OGFOD1: variants seen among roughly 807,000 people sequenced by gnomAD.
OGFOD1 encodes the protein 2-oxoglutarate and iron dependent oxygenase domain containing 1, also known as prolyl 3-hydroxylase OGFOD1.
In OGFOD1, 54 loss-of-function variants were observed where a neutral mutation model predicts 67.7. That is an observed-to-expected ratio of 0.80 (90% CI 0.64 to 1.00). The LOEUF is 1.00. Among genes scored for constraint, OGFOD1 ranks in the 50% least tolerant of loss-of-function variants. The pLI, the probability that OGFOD1 is intolerant of heterozygous loss-of-function variation, is 0.00. For missense variants in OGFOD1, 606 were observed against 646.7 expected, an observed-to-expected ratio of 0.94 and a Z score of 0.68; for synonymous variants, 221 against 227.0, an observed-to-expected ratio of 0.97 and a Z score of 0.24.
intron 4 of OGFOD1, among the ~76,000 whole-genome samples, chr16:56,464,021 A>G (rs1416887315): frequency 6.6e-6 from 1 of 152,248 alleles, no homozygotes; most frequent in African/African-American, 2.4e-5. Flanking sequence ...CCAGGATTGC[A>G]TGTTGCATTT....
Position 56,466,880 on chromosome 16 carries a change from C to CT in OGFOD1, c.573dup (p.Gln192SerfsTer20), listed in dbSNP as rs1962922505. ...ATGTGTTCTTTCCTGGTGCAGAACACTTTCAGCCGAAGCAGATTGTCAAGT... is the reference window on the plus strand; with the variant it reads ...ATGTGTTCTTTCCTGGTGCAGAACACTTTTCAGCCGAAGCAGATTGTCAAGT... On this transcript the variant is annotated frameshift_variant, in exon 6 of 13. Coordinates refer to ENST00000566157, the MANE Select transcript of OGFOD1 (RefSeq NM_018233.4). LOFTEE classifies it high-confidence loss of function. 6.2e-7 allele frequency: 1 copy of CT among 1,612,022 alleles called. No homozygotes were observed. The highest frequency in any genetic ancestry group is 8.5e-7 in the Non-Finnish European group (1 of 1,178,240).
chr16:56,471,646 C>T (rs1963191565), intron 10 of OGFOD1, among the ~76,000 whole-genome samples: 1 of 152,310 alleles, frequency 6.6e-6, no homozygotes, highest in African/African-American at 2.4e-5. Flanking sequence ...GTTAGGAGAG[C>T]AGAGACAAGG....
In OGFOD1 at chr16:56,467,272, G is replaced by C. The variant is rs764889729; in HGVS notation, c.765G>C (p.Arg255=). The part of the protein sequence containing the change: ...PPNYFEPPIP[R]SPHIPQDHEI... The stretch of plus-strand genomic sequence containing the variant: ...ACTACTTTGAACCCCCCATACCTCG[G>C]AGCCCTCACATCCCACAAGATGTAA... Residue 255 remains arginine, a synonymous_variant, in exon 7 of 13, where the codon CGG becomes CGC. Transcript: ENST00000566157. 3.1e-6 allele frequency: 5 copies of C among 1,614,020 alleles called. No individual in the cohort carries two copies. The highest frequency in any genetic ancestry group is 1.6e-4 in the Middle Eastern group (1 of 6,062).
intron 4 of OGFOD1, among the ~76,000 whole-genome samples, chr16:56,465,100 A>G (rs1962851728): frequency 6.6e-6 from 1 of 151,828 alleles, no homozygotes; most frequent in African/African-American, 2.4e-5. Context: ...CCTGGGTTCA[A>G]GCGATTCTCC....
Position 56,458,569 on chromosome 16 carries a change from A to AG in OGFOD1, c.323dup (p.Glu109ArgfsTer13). Reference sequence around the variant, plus strand: ...CAAGTCTGATGATTTGAAGAAGAGAAGAGAGCCTCACATCTCCACTTTAAG... The same window carrying AG: ...CAAGTCTGATGATTTGAAGAAGAGAAGGAGAGCCTCACATCTCCACTTTAAG... On this transcript the variant is annotated frameshift_variant, in exon 3 of 13. Coordinates refer to ENST00000566157, the MANE Select transcript of OGFOD1 (RefSeq NM_018233.4). LOFTEE classifies it high-confidence loss of function. The AG allele has an allele frequency of 6.2e-7, 1 of 1,613,786 alleles. No homozygotes were observed. The highest frequency in any genetic ancestry group is 8.5e-7 in the Non-Finnish European group (1 of 1,179,680).
Position 56,467,531 on chromosome 16 carries a change from A to G in OGFOD1, c.786+238A>G, listed in dbSNP as rs568508154. ...AACCTCCACCTCCTGGGTTCAAGCG[A>G]TTCTCCTGCCTCAACCTCCTGAGTA... On this transcript the variant is annotated intron_variant, in intron 7 of 12. Coordinates refer to ENST00000566157, the MANE Select transcript of OGFOD1 (RefSeq NM_018233.4). Among the ~76,000 whole-genome samples, 467 of 149,564 alleles carry G rather than the reference A, an allele frequency of 3.1e-3. 4 individuals are homozygous for G. The highest frequency in any genetic ancestry group is 0.011 in the African/African-American group (450 of 40,440).
At chr16:56,455,235 C>T (rs1298303104) in intron 2 of OGFOD1, among the ~76,000 whole-genome samples, 2 of 152,072 alleles carry the variant, frequency 1.3e-5, no homozygotes, top group African/African-American at 4.8e-5. Flanking sequence ...GGCGTGGTGG[C>T]ACGCCCCTAT....
chr16:56,454,035 G>A (rs949478525), intron 2 of OGFOD1, among the ~76,000 whole-genome samples: 6 of 152,178 alleles, frequency 3.9e-5, no homozygotes, highest in Non-Finnish European at 8.8e-5. Context: ...TGTACGTTGG[G>A]AGACAATTAC....
rs745397600 is a variant in OGFOD1 at position 56,451,572 on chromosome 16, C to T, written c.-41C>T. The T allele has an allele frequency of 2.5e-6, 4 of 1,607,040 alleles. No homozygotes were observed. The East Asian group carries it at 6.7e-5, about 27-fold the overall frequency. Reference sequence around the variant, plus strand: ...AGTTGCAGTACCCTCAGGAAGGTAGCGTCTTGATCTGCGTGGCGTGGTTCT... The same window carrying T: ...AGTTGCAGTACCCTCAGGAAGGTAGTGTCTTGATCTGCGTGGCGTGGTTCT... On this transcript the variant is annotated 5_prime_UTR_variant, in exon 1 of 13. Transcript: ENST00000566157.
chr16:56,475,461 C>G (rs1203241793), intron 11 of OGFOD1, 46 bp from the exon 12 acceptor site: 2 of 1,574,676 alleles, frequency 1.3e-6, no homozygotes, highest in Non-Finnish European at 1.7e-6. Flanking sequence ...TGGTGCGACT[C>G]TTTCAATAGG....
intron 2 of OGFOD1, chr16:56,453,827 A>G (rs1962420965): frequency 6.5e-6 from 1 of 154,402 alleles, no homozygotes; most frequent in African/African-American, 2.4e-5. Context: ...GGTCTTCTCT[A>G]AATTTGCTCC....
chr16:56,470,696 C>T lies in OGFOD1; in HGVS notation c.1190C>T (p.Pro397Leu). The stretch of plus-strand genomic sequence containing the variant: ...GAAGAAGGGACTAGCCATAGTCCTC[C>T]TGAGCCAGAGAATAATCAGATGGCC... ...ITEEGTSHSP[P>L]EPENNQMAIS... Residue 397 changes from proline to leucine, a missense_variant, in exon 10 of 13, where the codon CCT becomes CTT. Transcript: ENST00000566157. 1 of 1,614,122 alleles carries T rather than the reference C, an allele frequency of 6.2e-7. No homozygotes were observed. Among genetic ancestry groups the T allele is most frequent in the Non-Finnish European group, 8.5e-7 (1 of 1,180,000 alleles).
chr16:56,454,653 GAA>G (rs57144787), intron 2 of OGFOD1: 151 of 299,108 alleles, frequency 5.0e-4, no homozygotes, highest in South Asian at 1.5e-3. Flanking sequence ...ATTGGGGGGG[GAA>G]AAAAAAAAGA....
At chr16:56,469,964 G>A (rs1274284358) in intron 8 of OGFOD1, 39 bp from the exon 9 acceptor site, 1 of 1,575,748 alleles carries the variant, frequency 6.3e-7, no homozygotes, top group South Asian at 1.1e-5. Flanking sequence ...GGGTAATAGG[G>A]AGATCTGCTG....
chr16:56,451,750 G>A lies in OGFOD1; in HGVS notation c.138G>A (p.Arg46=). 8.7e-6 allele frequency: 14 copies of A among 1,612,888 alleles called. No individual in the cohort carries two copies. The highest frequency in any genetic ancestry group is 1.2e-5 in the Non-Finnish European group (14 of 1,179,910). The change falls in exon 1 of 13, where the codon AGG becomes AGA. Residue 46 remains arginine, a synonymous_variant. Transcript: ENST00000566157. The stretch of plus-strand genomic sequence containing the variant: ...AGGTGGCTGAGGCCTGGAGCCGCAG[G>A]ACGCCGTTCAGTCACGGTAACCGGG... ...KKQVAEAWSR[R]TPFSHEVIVM... is the part of the protein sequence containing the mutation.
At chr16:56,456,281 C>T (rs376338494) in intron 2 of OGFOD1, among the ~76,000 whole-genome samples, 1 of 152,112 alleles carries the variant, frequency 6.6e-6, no homozygotes, top group African/African-American at 2.4e-5. Flanking sequence ...CTAGGTTTTC[C>T]TCTTCCACCT....
chr16:56,453,160 C>A, intron 1 of OGFOD1, 103 bp from the exon 2 acceptor site: 3 of 1,236,800 alleles, frequency 2.4e-6, no homozygotes, highest in African/African-American at 1.5e-5. Context: ...ATTAGGTTCC[C>A]CAAAATTCAT....
At chr16:56,467,385 T>G in intron 7 of OGFOD1, 92 bp downstream of exon 7, 1 of 1,396,808 alleles carries the variant, frequency 7.2e-7, no homozygotes, top group Non-Finnish European at 9.9e-7. Context: ...TTAATGAAAC[T>G]GGACCTTGAG....
chr16:56,462,721 C>A, intron 4 of OGFOD1, 87 bp downstream of exon 4: 1 of 790,610 alleles, frequency 1.3e-6, no homozygotes, highest in Non-Finnish European at 2.1e-6. Context: ...TACCAAAACA[C>A]TCAACTGAAT....
Sources: allele counts gnomAD v4.1 joint callset (sites outside exome capture counted in the v4.1 genomes callset), GRCh38; gene constraint gnomAD v4.1.1; transcripts MANE v1.5; gene names NCBI Gene and HGNC (gene_info 2026-07-23, HGNC 2026-07-21).